Variants in C12orf42 observed in about 807,000 individuals in gnomAD.
The protein encoded by C12orf42 is uncharacterized protein C12orf42.
A neutral mutation model predicts 21.6 loss-of-function variants in C12orf42; 25 were observed. The observed-to-expected ratio is 1.16, with a 90% CI of 0.84 to 1.62. The LOEUF (loss-of-function observed/expected upper bound fraction) is 1.62, where lower values mean the gene tolerates loss of function less well. C12orf42 is among the 40% of genes most tolerant of loss of function. The probability of loss-of-function intolerance (pLI) is 0.00; values close to 1 mark genes in which losing one functional copy is unlikely to be tolerated. For missense variants in C12orf42, 483 were observed against 459.3 expected, an observed-to-expected ratio of 1.05 and a Z score of -0.47; for synonymous variants, 174 against 175.0, an observed-to-expected ratio of 0.99 and a Z score of 0.05.
chr12:103,224,534 G>C, the C12orf42 span, among the ~76,000 whole-genome samples: 3 of 151,680 alleles, frequency 2.0e-5, no homozygotes, highest in African/African-American at 7.3e-5. Context: ...ATGGGGGTCA[G>C]GTGTGGTATC....
intron 2 of C12orf42, among the ~76,000 whole-genome samples, chr12:103,440,421 TAAAA>T (rs1951120237): frequency 4.0e-5 from 1 of 25,212 alleles, no homozygotes; most frequent in Non-Finnish European, 8.1e-5. Context: ...AAAAATAAAA[TAAAA>T]TAAAATAAAT....
chr12:103,164,807 T>C, the C12orf42 span: 1 of 431,442 alleles, frequency 2.3e-6, no homozygotes, highest in Non-Finnish European at 4.7e-6. Context: ...ACCGGTTCAG[T>C]AGGAGAGACA....
chr12:103,530,950 A>T, the C12orf42 span, among the ~76,000 whole-genome samples: 1 of 152,344 alleles, frequency 6.6e-6, no homozygotes, highest in Admixed American at 6.5e-5. Context: ...GGAGGGGCAG[A>T]GGCAAGAAGC....
At chr12:103,297,115 G>C (rs1446359155), downstream of C12orf42, among the ~76,000 whole-genome samples, 1 of 152,164 alleles carries the variant, frequency 6.6e-6, no homozygotes, top group Non-Finnish European at 1.5e-5. Flanking sequence ...GTTAAATAGG[G>C]AATCTTTTCC....
the C12orf42 span, among the ~76,000 whole-genome samples, chr12:103,138,221 G>T: frequency 6.6e-6 from 1 of 152,174 alleles, no homozygotes; most frequent in Admixed American, 6.5e-5. Flanking sequence ...GAAGCTGCAT[G>T]ATATGGTTTG....
intron 4 of C12orf42, among the ~76,000 whole-genome samples, chr12:103,344,090 C>A (rs2137301316): frequency 6.6e-6 from 1 of 152,204 alleles, no homozygotes; most frequent in Non-Finnish European, 1.5e-5. Flanking sequence ...CTGATATGAC[C>A]AAATTAGAAA....
At chr12:103,132,887 TC>T in the C12orf42 span, among the ~76,000 whole-genome samples, 1 of 152,030 alleles carries the variant, frequency 6.6e-6, no homozygotes, top group Non-Finnish European at 1.5e-5. Context: ...AGCCCCACCC[TC>T]CCCAGTAGCA....
At chr12:103,538,904 A>T in the C12orf42 span, among the ~76,000 whole-genome samples, 1 of 152,198 alleles carries the variant, frequency 6.6e-6, no homozygotes, top group Non-Finnish European at 1.5e-5. Context: ...GGACATTGAG[A>T]TAATGGAAGG....
chr12:103,488,054 T>G lies in C12orf42; in HGVS notation c.-22+7848A>C, dbSNP rs1008129263. 5.9e-5 allele frequency among the ~76,000 whole-genome samples: 9 copies of G among 152,350 alleles called. No homozygotes were observed. The East Asian group carries it at 1.7e-3, about 29-fold the overall frequency. ...TGATGCAGTTTCTTCATAGCACTGATGGTCTTTACAATTTGGCATGTTTTT... is the reference window on the plus strand; with the variant it reads ...TGATGCAGTTTCTTCATAGCACTGAGGGTCTTTACAATTTGGCATGTTTTT... On this transcript the variant is annotated intron_variant, in intron 1 of 5. Coordinates refer to ENST00000548883, the MANE Select transcript of C12orf42 (RefSeq NM_198521.5).
At chr12:103,193,768 A>T in the C12orf42 span, among the ~76,000 whole-genome samples, 3 of 152,150 alleles carry the variant, frequency 2.0e-5, no homozygotes, top group Admixed American at 6.5e-5. Context: ...AAGATTTTTT[A>T]AAAAAGAATT....
intron 10 of C12orf42, among the ~76,000 whole-genome samples, chr12:103,240,094 A>G (rs2033661562): frequency 6.6e-6 from 1 of 152,232 alleles, no homozygotes; most frequent in Non-Finnish European, 1.5e-5. Context: ...AATATACTAC[A>G]TACAATAAAT....
At chr12:103,408,422 G>T (rs2048583695) in intron 2 of C12orf42, among the ~76,000 whole-genome samples, 1 of 152,140 alleles carries the variant, frequency 6.6e-6, no homozygotes, top group South Asian at 2.1e-4. Flanking sequence ...AACACACACA[G>T]TAGTCAACTT....
intron 1 of C12orf42, among the ~76,000 whole-genome samples, chr12:103,480,719 T>A (rs1178517408): frequency 2.0e-5 from 3 of 151,744 alleles, no homozygotes; most frequent in African/African-American, 7.2e-5. Flanking sequence ...ATCTTTTTGC[T>A]ATTAATTTTT....
the C12orf42 span, among the ~76,000 whole-genome samples, chr12:103,514,966 G>A: frequency 6.6e-6 from 1 of 152,102 alleles, no homozygotes; most frequent in Non-Finnish European, 1.5e-5. Flanking sequence ...AGGGAACTTT[G>A]TGGTTGTCAT....
chr12:103,316,288 A>G (rs937085659), intron 4 of C12orf42, among the ~76,000 whole-genome samples: 3 of 152,026 alleles, frequency 2.0e-5, no homozygotes, highest in African/African-American at 4.8e-5. Context: ...GCAAGAAAAT[A>G]GTGGAATAAA....
intron 3 of C12orf42, among the ~76,000 whole-genome samples, chr12:103,395,728 T>C (rs1207406188): frequency 1.3e-5 from 2 of 152,090 alleles, no homozygotes; most frequent in Non-Finnish European, 2.9e-5. Flanking sequence ...AGGATAATCA[T>C]TTATAATTGA....
chr12:103,278,604 G>A (rs1206534411), intron 4 of C12orf42, among the ~76,000 whole-genome samples: 1 of 152,234 alleles, frequency 6.6e-6, no homozygotes, highest in Middle Eastern at 3.2e-3. Flanking sequence ...TGAGCTGGGT[G>A]AGTGGTCTCA....
chr12:103,106,269 G>A, the C12orf42 span, among the ~76,000 whole-genome samples: 1 of 151,980 alleles, frequency 6.6e-6, no homozygotes, highest in African/African-American at 2.4e-5. Context: ...GACTGAGCCA[G>A]TTTATCACTC....
the C12orf42 span, among the ~76,000 whole-genome samples, chr12:103,100,543 G>C: frequency 6.6e-6 from 1 of 152,218 alleles, no homozygotes; most frequent in East Asian, 1.9e-4. Context: ...AAACTGGGCT[G>C]CTATAGGCCC....
Sources: allele counts gnomAD v4.1 joint callset (sites outside exome capture counted in the v4.1 genomes callset), GRCh38; gene constraint gnomAD v4.1.1; transcripts MANE v1.5; gene names NCBI Gene and HGNC (gene_info 2026-07-23, HGNC 2026-07-21).